The following USP46 variants were observed in gnomAD, a reference collection of about 807,000 sequenced individuals.
USP46 encodes the protein ubiquitin specific peptidase 46.
USP46 carries 12 observed loss-of-function variants against 44.4 expected under a neutral mutation model. The observed-to-expected ratio is 0.27, with a 90% CI of 0.17 to 0.44. USP46 has a LOEUF of 0.44. USP46 is among the 20% of genes least tolerant of loss of function. The pLI, the probability that USP46 is intolerant of heterozygous loss-of-function variation, is 1.00. For missense variants in USP46, 248 were observed against 444.8 expected (o/e 0.56, Z 3.98); for synonymous variants, 155 against 161.5 (o/e 0.96, Z 0.31).
At chr4:52,608,024 T>C (rs1464206916) in intron 5 of USP46, among the ~76,000 whole-genome samples, 2 of 152,140 alleles carry the variant, frequency 1.3e-5, no homozygotes, top group African/African-American at 2.4e-5. Context: ...TGGTTCACAG[T>C]CAGTTATAGA....
At chr4:52,647,675 A>C (rs1718598755) in intron 1 of USP46, among the ~76,000 whole-genome samples, 1 of 152,196 alleles carries the variant, frequency 6.6e-6, no homozygotes, top group South Asian at 2.1e-4. Flanking sequence ...TTCCAATGGC[A>C]TTTTTGTCAG....
In USP46 at chr4:52,597,912, A is replaced by C. The variant is rs572571161; in HGVS notation, c.1000-171T>G. Among the ~76,000 whole-genome samples the C allele has an allele frequency of 3.3e-5, 5 of 152,372 alleles. No individual in the cohort carries two copies. In the East Asian group the frequency reaches 9.6e-4, roughly 29 times the overall value. On this transcript the variant is annotated intron_variant, in intron 8 of 8. Transcript: ENST00000441222. ...AATTCCACAGACTTGGCTAAAGGAC[A>C]TCATCACATAAATTGTACATCTCTG...
chr4:52,618,313 A>T (rs1717243627), intron 4 of USP46, among the ~76,000 whole-genome samples: 1 of 152,150 alleles, frequency 6.6e-6, no homozygotes, highest in Non-Finnish European at 1.5e-5. Flanking sequence ...ACATGGTGAA[A>T]CCCTGTCTTT....
chr4:52,603,161 G>C (rs1172144174), intron 6 of USP46, among the ~76,000 whole-genome samples: 2 of 152,168 alleles, frequency 1.3e-5, no homozygotes, highest in African/African-American at 4.8e-5. Context: ...ATGTTTTATG[G>C]GAACACATGA....
chr4:52,593,151 A>G lies in USP46; in HGVS notation c.*4489T>C. ...ATGGAAGGCTTCATTTTTTTAGTAAAGGTATTTTAAGTATCAATAAAAAGA... is the reference window on the plus strand; with the variant it reads ...ATGGAAGGCTTCATTTTTTTAGTAAGGGTATTTTAAGTATCAATAAAAAGA... On this transcript the variant is annotated 3_prime_UTR_variant, in exon 9 of 9. Coordinates refer to ENST00000441222, the MANE Select transcript of USP46 (RefSeq NM_022832.4). 2.6e-6 allele frequency: 1 copy of G among 390,136 alleles called. No individual in the cohort carries two copies. The allele number at this position is 390,136 out of a possible 1,614,324, so 24.2% of individuals were successfully genotyped here.
At chr4:52,645,111 T>C (rs1718499349) in intron 1 of USP46, among the ~76,000 whole-genome samples, 2 of 146,200 alleles carry the variant, frequency 1.4e-5, no homozygotes, top group Non-Finnish European at 1.5e-5. Flanking sequence ...TATAATCCCA[T>C]GTACTCGGGA....
At chr4:52,624,208 A>G (rs1001131876) in intron 4 of USP46, among the ~76,000 whole-genome samples, 24 of 152,192 alleles carry the variant, frequency 1.6e-4, no homozygotes, top group African/African-American at 5.8e-4. Flanking sequence ...CTACTTTTGT[A>G]TTCATTTGAA....
chr4:52,631,888 C>T (rs1422475221), intron 1 of USP46, among the ~76,000 whole-genome samples: 4 of 152,042 alleles, frequency 2.6e-5, no homozygotes, highest in Non-Finnish European at 5.9e-5. Context: ...CATCTGTAAT[C>T]CCAGCTACTC....
chr4:52,632,916 AAG>A (rs150410701), intron 1 of USP46, among the ~76,000 whole-genome samples: 14,519 of 76,892 alleles, frequency 0.19, 1,741 homozygotes, highest in African/African-American at 0.28. Flanking sequence ...GAAAGAAAGA[AAG>A]AGAAAGAAAG....
chr4:52,636,501 T>G (rs557568656), intron 1 of USP46, among the ~76,000 whole-genome samples: 3 of 151,180 alleles, frequency 2.0e-5, no homozygotes, highest in Admixed American at 1.3e-4. Context: ...AGGTCAGGAG[T>G]TCAAGACCAG....
chr4:52,606,405 T>G (rs1447012121), intron 5 of USP46, among the ~76,000 whole-genome samples: 2 of 152,252 alleles, frequency 1.3e-5, no homozygotes, highest in Admixed American at 6.5e-5. Context: ...CAGTTTCACA[T>G]AGCTGGGGAG....
At chr4:52,627,177 T>C (rs1717629047) in intron 3 of USP46, among the ~76,000 whole-genome samples, 1 of 152,360 alleles carries the variant, frequency 6.6e-6, no homozygotes, top group Non-Finnish European at 1.5e-5. Context: ...AGTGCTCTGC[T>C]TCCTTCTCCA....
At chr4:52,613,003 C>T (rs1716991410) in intron 4 of USP46, among the ~76,000 whole-genome samples, 1 of 152,164 alleles carries the variant, frequency 6.6e-6, no homozygotes, top group South Asian at 2.1e-4. Context: ...AAACTAGAAA[C>T]TATAAACTCA....
chr4:52,632,998 GAAA>G (rs1717966459), intron 1 of USP46, among the ~76,000 whole-genome samples: 1 of 112,588 alleles, frequency 8.9e-6, no homozygotes, highest in African/African-American at 3.7e-5. Context: ...AGAAAAGAAA[GAAA>G]GAAAGAAAGA....
chr4:52,631,788 T>C (rs565199752), intron 1 of USP46, among the ~76,000 whole-genome samples: 8 of 152,210 alleles, frequency 5.3e-5, no homozygotes, highest in African/African-American at 1.9e-4. Flanking sequence ...AGCGGATCAC[T>C]TGAGGTCAGG....
At chr4:52,628,567 G>A (rs1371879381) in intron 2 of USP46, among the ~76,000 whole-genome samples, 1 of 152,174 alleles carries the variant, frequency 6.6e-6, no homozygotes, top group African/African-American at 2.4e-5. Flanking sequence ...AAACTCCCAT[G>A]ACAGGGAAAA....
In USP46 at chr4:52,614,270, C is replaced by T. The variant is rs75862056; in HGVS notation, c.562-3653G>A. Among the ~76,000 whole-genome samples, 452 of 152,238 alleles carry T rather than the reference C, an allele frequency of 3.0e-3. 10 individuals are homozygous for T. The highest frequency in any genetic ancestry group is 0.018 in the South Asian group (89 of 4,824). ...CAGTAGAACTATTTGAGAAAATAAACGCTGAGTATTTCCCAAATTTGGTGA... is the reference window on the plus strand; with the variant it reads ...CAGTAGAACTATTTGAGAAAATAAATGCTGAGTATTTCCCAAATTTGGTGA... On this transcript the variant is annotated intron_variant, in intron 4 of 8. Transcript: ENST00000441222.
intron 1 of USP46, among the ~76,000 whole-genome samples, chr4:52,651,862 G>T (rs1250188902): frequency 6.6e-6 from 1 of 152,094 alleles, no homozygotes; most frequent in African/African-American, 2.4e-5. Flanking sequence ...AAAATTCAAG[G>T]TATCTTCTCA....
intron 6 of USP46, 45 bp from the exon 7 acceptor site, chr4:52,602,099 TA>T (rs1471068660): frequency 3.8e-6 from 6 of 1,574,454 alleles, no homozygotes; most frequent in Non-Finnish European, 4.3e-6. Context: ...CAACACCTAT[TA>T]GGGGAAGAGA....
Sources: gnomAD v4.1 joint callset for allele counts (sites outside exome capture counted in the v4.1 genomes callset) on GRCh38, gnomAD v4.1.1 for gene constraint, MANE v1.5 for transcripts, NCBI Gene and HGNC (gene_info 2026-07-23, HGNC 2026-07-21) for gene names.